The following PLD1 variants were observed in gnomAD, a reference collection of about 807,000 sequenced individuals.
PLD1 encodes the protein choline phosphatase 1.
A neutral mutation model predicts 137.1 loss-of-function variants in PLD1; 112 were observed. That is an observed-to-expected ratio of 0.82 (90% CI 0.70 to 0.96). The LOEUF is 0.96. PLD1 is among the 40% of genes least tolerant of loss of function. PLD1 has a pLI of 0.00. For synonymous variants in PLD1, 431 were observed against 454.7 expected, an observed-to-expected ratio of 0.95 and a Z score of 0.66; for missense variants, 1,321 against 1,342.0, an observed-to-expected ratio of 0.98 and a Z score of 0.24.
intron 22 of PLD1, among the ~76,000 whole-genome samples, chr3:171,643,954 A>T (rs1218067661): frequency 6.6e-6 from 1 of 152,038 alleles, no homozygotes; most frequent in Admixed American, 6.6e-5. Context: ...ATTAAAAAAA[A>T]ATTTCCACTA....
intron 1 of PLD1, among the ~76,000 whole-genome samples, chr3:171,764,880 AAAGAAAGAAAGAAAGG>A (rs1156540541): frequency 0.019 from 448 of 23,302 alleles, 60 homozygotes; most frequent in Non-Finnish European, 0.031. Flanking sequence ...AGAAAGAAAG[AAAGAAAGAAAGAAAGG>A]AAGGAAGGAA....
chr3:171,790,184 C>G (rs564039465), intron 1 of PLD1, among the ~76,000 whole-genome samples: 1 of 152,340 alleles, frequency 6.6e-6, no homozygotes, highest in East Asian at 1.9e-4. Flanking sequence ...TAGGCCCTCC[C>G]TGGATTCAGA....
intron 21 of PLD1, among the ~76,000 whole-genome samples, chr3:171,650,041 C>G (rs1736592327): frequency 6.6e-6 from 1 of 152,178 alleles, no homozygotes; most frequent in Admixed American, 6.5e-5. Flanking sequence ...GTGTTAACTT[C>G]CCCCACTCTG....
At chr3:171,783,552 G>A (rs1190564157) in intron 1 of PLD1, among the ~76,000 whole-genome samples, 4 of 152,122 alleles carry the variant, frequency 2.6e-5, no homozygotes, top group Non-Finnish European at 4.4e-5. Context: ...TTGGCAGATG[G>A]TAGAGCTGGG....
rs369781972 is a variant in PLD1 at position 171,687,337 on chromosome 3, G to A, written c.1753+34C>T. The A allele has an allele frequency of 3.8e-5, 59 of 1,556,606 alleles. 1 individual carries two copies. In the African/African-American group the frequency reaches 7.6e-4, roughly 20 times the overall value. The stretch of plus-strand genomic sequence containing the variant: ...TCTGGCTATGGAAGAACAGTGGGTA[G>A]TTAAGATAAATTCTAGTCAAGGCCA... On this transcript the variant is annotated intron_variant, in intron 15 of 26. Coordinates refer to ENST00000351298, the MANE Select transcript of PLD1 (RefSeq NM_002662.5).
intron 8 of PLD1, among the ~76,000 whole-genome samples, chr3:171,720,389 T>C (rs1718020206): frequency 6.6e-6 from 1 of 150,996 alleles, no homozygotes; most frequent in Non-Finnish European, 1.5e-5. Flanking sequence ...GGTTAGGAGA[T>C]TGAGACCACA....
At chr3:171,723,721 A>G (rs1432781968) in intron 8 of PLD1, among the ~76,000 whole-genome samples, 2 of 152,176 alleles carry the variant, frequency 1.3e-5, no homozygotes, top group South Asian at 4.1e-4. Context: ...CTGATGATCA[A>G]TGATATTGAG....
intron 11 of PLD1, among the ~76,000 whole-genome samples, chr3:171,704,479 C>T (rs1447650977): frequency 1.5e-5 from 2 of 132,458 alleles, no homozygotes; most frequent in Non-Finnish European, 3.1e-5. Flanking sequence ...AAAAAAAAAC[C>T]TTATCTTGTA....
chr3:171,659,834 C>T (rs1422062758), intron 20 of PLD1, among the ~76,000 whole-genome samples: 1 of 152,112 alleles, frequency 6.6e-6, no homozygotes, highest in Non-Finnish European at 1.5e-5. Flanking sequence ...CTCTGAACTT[C>T]TATTTTAAGT....
At chr3:171,768,459 C>T (rs1398651603) in intron 1 of PLD1, among the ~76,000 whole-genome samples, 2 of 152,198 alleles carry the variant, frequency 1.3e-5, no homozygotes, top group African/African-American at 2.4e-5. Flanking sequence ...CCTCCCAAAC[C>T]GTACGCTGCA....
intron 1 of PLD1, among the ~76,000 whole-genome samples, chr3:171,770,560 G>C (rs1000978487): frequency 2.5e-4 from 38 of 152,162 alleles, no homozygotes; most frequent in African/African-American, 9.2e-4. Context: ...AGAAGGTCTA[G>C]TGCGACGACA....
At chr3:171,731,188 C>T (rs1361358769) in intron 6 of PLD1, among the ~76,000 whole-genome samples, 1 of 152,116 alleles carries the variant, frequency 6.6e-6, no homozygotes, top group East Asian at 1.9e-4. Context: ...TTGTTTTATA[C>T]TTATAAAAGT....
chr3:171,732,395 A>G (rs1719009892), intron 6 of PLD1, among the ~76,000 whole-genome samples: 1 of 152,110 alleles, frequency 6.6e-6, no homozygotes, highest in African/African-American at 2.4e-5. Context: ...CCCCAGTGCA[A>G]GCTGCTGCTG....
intron 9 of PLD1, among the ~76,000 whole-genome samples, chr3:171,710,816 G>A (rs1717133544): frequency 6.7e-6 from 1 of 150,070 alleles, no homozygotes; most frequent in African/African-American, 2.5e-5. Context: ...CCAGAAGGTG[G>A]TTCTGGCATG....
chr3:171,681,708 T>C (rs1179574862), intron 16 of PLD1, among the ~76,000 whole-genome samples: 1 of 152,196 alleles, frequency 6.6e-6, no homozygotes, highest in Admixed American at 6.5e-5. Context: ...CTTCCCTCAA[T>C]GAATTACTAA....
intron 8 of PLD1, among the ~76,000 whole-genome samples, chr3:171,720,771 G>T (rs1487967889): frequency 6.6e-6 from 1 of 152,164 alleles, no homozygotes; most frequent in Non-Finnish European, 1.5e-5. Context: ...TTCCAGGGAG[G>T]ATCGTATCTT....
At position 171,601,093 on chromosome 3, in the gene PLD1, T is replaced by TG. The variant is rs1731803368; in HGVS notation, c.*1984dup. ...TCCTCATTCTTGGGCAATGATAAAG[T>TG]GAAGAGAGAGGCCAACAATGGGCTG... On this transcript the variant is annotated 3_prime_UTR_variant, in exon 27 of 27. Transcript: ENST00000351298. 1 of 152,196 alleles carries TG rather than the reference T, an allele frequency of 6.6e-6. No individual in the cohort carries two copies. The highest frequency in any genetic ancestry group is 1.5e-5 in the Non-Finnish European group (1 of 68,046). 9.4% of individuals were successfully genotyped at this position (152,196 alleles called of 1,614,324 possible). A position where few individuals can be genotyped will look rare whatever the true frequency, so the allele number is the denominator to read the frequency against.
At chr3:171,656,156 T>TTTTATTTATTTA (rs142427730) in intron 21 of PLD1, among the ~76,000 whole-genome samples, 5,278 of 145,378 alleles carry the variant, frequency 0.036, 151 homozygotes, top group African/African-American at 0.072. Context: ...AATACTATAA[T>TTTTATTTATTTA]TTTATTTATT....
At chr3:171,794,346 C>T (rs903260446) in intron 1 of PLD1, among the ~76,000 whole-genome samples, 1 of 151,976 alleles carries the variant, frequency 6.6e-6, no homozygotes, top group South Asian at 2.1e-4. Context: ...AAAATCATAG[C>T]GTGTATAGGG....
Sources: allele counts gnomAD v4.1 joint callset (sites outside exome capture counted in the v4.1 genomes callset), GRCh38; gene constraint gnomAD v4.1.1; transcripts MANE v1.5; gene names NCBI Gene and HGNC (gene_info 2026-07-23, HGNC 2026-07-21).